Variants in TLN2 observed in about 807,000 individuals in gnomAD.
TLN2 encodes talin-2.
TLN2 carries 118 observed loss-of-function variants against 294.7 expected under a neutral mutation model. That is an observed-to-expected ratio of 0.40 (90% CI 0.34 to 0.47). TLN2 has a LOEUF of 0.47. Ranked by LOEUF, TLN2 falls within the 20% of genes least tolerant of loss-of-function variation. TLN2 has a pLI of 0.84. For missense variants in TLN2, 3,083 were observed against 3,282.2 expected (o/e 0.94, Z 1.48); for synonymous variants, 1,431 against 1,304.5 (o/e 1.10, Z -2.09).
chr15:62,481,175 A>G (rs1485087080), intron 1 of TLN2, among the ~76,000 whole-genome samples: 1 of 152,128 alleles, frequency 6.6e-6, no homozygotes, highest in African/African-American at 2.4e-5. Context: ...TGATTTTTCT[A>G]ATGAAAGGGA....
chr15:62,687,152 C>A (rs190142375), intron 12 of TLN2, among the ~76,000 whole-genome samples: 21 of 152,298 alleles, frequency 1.4e-4, no homozygotes, highest in African/African-American at 4.8e-4. Context: ...GACACAAAGG[C>A]CCCCTCTCTG....
chr15:62,516,211 G>A (rs1339688964), intron 1 of TLN2, among the ~76,000 whole-genome samples: 5 of 152,148 alleles, frequency 3.3e-5, no homozygotes, highest in Non-Finnish European at 5.9e-5. Flanking sequence ...TAGTTGAGAG[G>A]GTAAGGCAGT....
chr15:62,650,162 A>G lies in TLN2; in HGVS notation c.215A>G (p.Tyr72Cys). Reference sequence around the variant, plus strand: ...CTGGAAGCGGGCAGAACACTGGATTACTACATGTTGCGGAATGGGGTATGC... The same window carrying G: ...CTGGAAGCGGGCAGAACACTGGATTGCTACATGTTGCGGAATGGGGTATGC... The part of the protein sequence containing the change: ...IWLEAGRTLD[Y>C]YMLRNGDILE... The change falls in exon 5 of 59, where the codon TAC becomes TGC. Residue 72 changes from tyrosine to cysteine, a missense_variant. Coordinates refer to ENST00000636159, the MANE Select transcript of TLN2 (RefSeq NM_015059.3). 1 of 1,614,170 alleles carries G rather than the reference A, an allele frequency of 6.2e-7. No individual in the cohort carries two copies. The highest frequency in any genetic ancestry group is 8.5e-7 in the Non-Finnish European group (1 of 1,180,016).
intron 15 of TLN2, 95 bp downstream of exon 15, chr15:62,697,963 GCTCT>G (rs2058466080): frequency 7.0e-7 from 1 of 1,433,756 alleles, no homozygotes; most frequent in Non-Finnish European, 9.4e-7. Flanking sequence ...GTGTTGGAAC[GCTCT>G]CTATTTCCCG....
intron 1 of TLN2, among the ~76,000 whole-genome samples, chr15:62,460,009 CA>C: frequency 6.6e-6 from 1 of 152,298 alleles, no homozygotes. Context: ...TGATGTGATC[CA>C]GGACCTCAGC....
At chr15:62,826,992 C>T (rs747793934) in intron 54 of TLN2, among the ~76,000 whole-genome samples, 21 of 152,180 alleles carry the variant, frequency 1.4e-4, no homozygotes, top group Admixed American at 1.1e-3. Context: ...AAAGATGACA[C>T]GGGTGGTTCT....
intron 1 of TLN2, among the ~76,000 whole-genome samples, chr15:62,467,140 G>T (rs1272821839): frequency 1.3e-5 from 2 of 152,224 alleles, no homozygotes; most frequent in Admixed American, 6.5e-5. Flanking sequence ...CTGGATGGAT[G>T]TAAAGTGGCA....
chr15:62,663,201 G>A (rs917238724), intron 9 of TLN2, among the ~76,000 whole-genome samples: 9 of 152,006 alleles, frequency 5.9e-5, no homozygotes, highest in Admixed American at 2.6e-4. Context: ...TACCATGTGC[G>A]ATTTTTTTTA....
At chr15:62,635,535 A>G (rs1170669622) in intron 3 of TLN2, among the ~76,000 whole-genome samples, 1 of 152,248 alleles carries the variant, frequency 6.6e-6, no homozygotes, top group Admixed American at 6.5e-5. Flanking sequence ...TAAAATATGC[A>G]TACATATTGG....
At chr15:62,637,900 GC>G (rs2140905446) in intron 3 of TLN2, 1 of 152,356 alleles carries the variant, frequency 6.6e-6, no homozygotes, top group East Asian at 1.9e-4. Context: ...AGACACACAG[GC>G]TGAAATAATT....
chr15:62,686,915 A>G, intron 12 of TLN2, 119 bp downstream of exon 12: 1 of 1,357,942 alleles, frequency 7.4e-7, no homozygotes, highest in Admixed American at 2.3e-5. Context: ...GCCAGCGTGG[A>G]GTGAGGAAGA....
At chr15:62,421,066 A>G (rs1261038893) in intron 1 of TLN2, among the ~76,000 whole-genome samples, 1 of 152,252 alleles carries the variant, frequency 6.6e-6, no homozygotes, top group African/African-American at 2.4e-5. Flanking sequence ...AACCTCTGGA[A>G]AACTTCATAA....
intron 1 of TLN2, among the ~76,000 whole-genome samples, chr15:62,556,064 G>A (rs2042588117): frequency 6.6e-6 from 1 of 150,518 alleles, no homozygotes; most frequent in Non-Finnish European, 1.5e-5. Flanking sequence ...AGGAAGAATT[G>A]TTGTCTTACA....
intron 10 of TLN2, among the ~76,000 whole-genome samples, 175 bp from the exon 11 acceptor site, chr15:62,675,042 C>T (rs2141010401): frequency 6.6e-6 from 1 of 152,316 alleles, no homozygotes; most frequent in East Asian, 1.9e-4. Context: ...GAACTTCCTG[C>T]ATGCTCTGAT....
intron 1 of TLN2, among the ~76,000 whole-genome samples, chr15:62,532,949 G>C (rs1480932170): frequency 6.6e-6 from 1 of 152,038 alleles, no homozygotes; most frequent in Non-Finnish European, 1.5e-5. Flanking sequence ...ATGGGGAAGG[G>C]GTTGTTAAAC....
chr15:62,761,533 C>T, intron 37 of TLN2, 148 bp from the exon 38 acceptor site: 4 of 1,097,370 alleles, frequency 3.6e-6, no homozygotes, highest in Non-Finnish European at 5.2e-6. Context: ...GGGTCTCTTT[C>T]ATCAGTTCCT....
Position 62,697,796 on chromosome 15 carries a change from C to A in TLN2, c.1401C>A (p.Asn467Lys), listed in dbSNP as rs773713515. ...GCTCCAGCGGGCCTGAGACCTTCAACGTTGGCAGCATGCCCTCGCCACAGC... is the reference window on the plus strand; with the variant it reads ...GCTCCAGCGGGCCTGAGACCTTCAAAGTTGGCAGCATGCCCTCGCCACAGC... Reference protein sequence around the residue: ...RSGSSGPETFNVGSMPSPQQQ... With the variant: ...RSGSSGPETFKVGSMPSPQQQ... The change falls in exon 15 of 59, where the codon AAC (asparagine) becomes AAA (lysine). Residue 467 changes from asparagine to lysine, a missense_variant. By Grantham distance (94) the Asn-to-Lys change is moderately conservative (BLOSUM62 0). Coordinates refer to ENST00000636159, the MANE Select transcript of TLN2 (RefSeq NM_015059.3). 6.2e-7 allele frequency: 1 copy of A among 1,612,710 alleles called. No homozygotes were observed. Among genetic ancestry groups the A allele is most frequent in the Non-Finnish European group, 8.5e-7 (1 of 1,179,672 alleles).
intron 45 of TLN2, among the ~76,000 whole-genome samples, chr15:62,788,327 A>G (rs1478887774): frequency 2.0e-5 from 3 of 152,112 alleles, no homozygotes; most frequent in Non-Finnish European, 2.9e-5. Context: ...AAAGAAACAA[A>G]GAATTTCCTT....
chr15:62,659,635 A>C (rs2140965873), intron 9 of TLN2, among the ~76,000 whole-genome samples: 1 of 152,312 alleles, frequency 6.6e-6, no homozygotes, highest in South Asian at 2.1e-4. Context: ...AAGCAATTGC[A>C]TTGAGTTTGT....
Sources: allele counts gnomAD v4.1 joint callset (sites outside exome capture counted in the v4.1 genomes callset), GRCh38; gene constraint gnomAD v4.1.1; transcripts MANE v1.5; gene names NCBI Gene and HGNC (gene_info 2026-07-23, HGNC 2026-07-21).